Variants in STPG2 observed in about 807,000 individuals in gnomAD.
STPG2 encodes sperm-tail PG-rich repeat-containing protein 2.
In STPG2, 56 loss-of-function variants were observed where a neutral mutation model predicts 54.2. That is an observed-to-expected ratio of 1.03 (90% confidence interval 0.83 to 1.29). The LOEUF (loss-of-function observed/expected upper bound fraction) is 1.29. Ranked by LOEUF, STPG2 falls within the 50% of genes most tolerant of loss-of-function variation. The probability of loss-of-function intolerance (pLI) is 0.00; values close to 1 mark genes in which losing one functional copy is unlikely to be tolerated. For synonymous variants in STPG2, 200 were observed against 181.8 expected, an observed-to-expected ratio of 1.10 and a Z score of -0.81; for missense variants, 596 against 544.9, an observed-to-expected ratio of 1.09 and a Z score of -0.93.
chr4:98,135,202 T>C (rs4699604), intron 1 of STPG2, among the ~76,000 whole-genome samples: 59,032 of 151,340 alleles, frequency 0.39, 11,695 homozygotes, highest in Middle Eastern at 0.46. Flanking sequence ...TCAAAACTTT[T>C]GCACTAAATC....
chr4:97,893,904 A>G (rs1313227044), intron 8 of STPG2, among the ~76,000 whole-genome samples: 3 of 152,002 alleles, frequency 2.0e-5, no homozygotes, highest in African/African-American at 7.2e-5. Flanking sequence ...TAAATTTGGA[A>G]AGCAAAGATA....
At chr4:97,886,951 C>T (rs1352278370) in intron 8 of STPG2, among the ~76,000 whole-genome samples, 3 of 152,204 alleles carry the variant, frequency 2.0e-5, no homozygotes, top group Non-Finnish European at 4.4e-5. Context: ...GCTCCTGCTA[C>T]ACCACATAAG....
chr4:98,139,979 T>G (rs1356045513), intron 1 of STPG2, among the ~76,000 whole-genome samples: 1 of 152,204 alleles, frequency 6.6e-6, no homozygotes, highest in Non-Finnish European at 1.5e-5. Flanking sequence ...CAGCTCACAT[T>G]TTAGTGGGTC....
At chr4:97,563,762 T>G (rs2148876850) in intron 10 of STPG2, among the ~76,000 whole-genome samples, 1 of 152,364 alleles carries the variant, frequency 6.6e-6, no homozygotes, top group African/African-American at 2.4e-5. Context: ...AGTGAGTTTC[T>G]TAATCCTGAG....
chr4:97,468,262 A>G (rs1194374419), intron 4 of STPG2, among the ~76,000 whole-genome samples: 1 of 152,008 alleles, frequency 6.6e-6, no homozygotes, highest in Non-Finnish European at 1.5e-5. Flanking sequence ...TAATCTTTGA[A>G]AGCAATGATT....
chr4:97,736,377 C>T lies in STPG2; in HGVS notation c.1205-23563G>A, dbSNP rs141698530. 4.9e-4 allele frequency among the ~76,000 whole-genome samples: 75 copies of T among 152,282 alleles called. 1 individual carries two copies. In the East Asian group the frequency reaches 0.012, roughly 24 times the overall value. On this transcript the variant is annotated intron_variant, in intron 9 of 10. Coordinates refer to ENST00000295268, the MANE Select transcript of STPG2 (RefSeq NM_174952.3). ...TGGGCGCAGGACAGTGGGTGCAGCA[C>T]ACCGTGCGCGAGTCGAAGCAGGGCG...
intron 10 of STPG2, among the ~76,000 whole-genome samples, chr4:97,648,380 C>T (rs948655536): frequency 6.6e-6 from 1 of 152,090 alleles, no homozygotes; most frequent in African/African-American, 2.4e-5. Flanking sequence ...ATAGAAGGTG[C>T]TCAACAGATA....
chr4:97,610,054 G>C (rs986943380), intron 10 of STPG2, among the ~76,000 whole-genome samples: 2 of 151,928 alleles, frequency 1.3e-5, no homozygotes, highest in Non-Finnish European at 1.5e-5. Flanking sequence ...TAATTTTCCT[G>C]AGAAGGTTCA....
intron 4 of STPG2, among the ~76,000 whole-genome samples, chr4:97,454,051 A>T (rs1296253364): frequency 6.6e-6 from 1 of 152,210 alleles, no homozygotes; most frequent in Non-Finnish European, 1.5e-5. Context: ...GATTGTTCTT[A>T]GAAAGATTTA....
At chr4:97,705,515 G>A (rs980957900) in intron 10 of STPG2, among the ~76,000 whole-genome samples, 16 of 151,728 alleles carry the variant, frequency 1.1e-4, no homozygotes, top group African/African-American at 3.1e-4. Flanking sequence ...TAGTCGAGAC[G>A]GGGTTTCATC....
intron 10 of STPG2, among the ~76,000 whole-genome samples, chr4:97,566,144 G>C (rs1442340819): frequency 6.6e-6 from 1 of 152,156 alleles, no homozygotes; most frequent in East Asian, 1.9e-4. Flanking sequence ...GCAATGGCGG[G>C]TGCCTCTCCC....
chr4:98,010,875 C>T (rs565457766), intron 5 of STPG2, among the ~76,000 whole-genome samples: 89 of 152,146 alleles, frequency 5.8e-4, no homozygotes, highest in Admixed American at 7.9e-4. Flanking sequence ...CTAATAAGAA[C>T]ATAACTTCAA....
At chr4:97,862,243 G>A (rs1729578491) in intron 8 of STPG2, among the ~76,000 whole-genome samples, 1 of 151,698 alleles carries the variant, frequency 6.6e-6, no homozygotes, top group Non-Finnish European at 1.5e-5. Context: ...ATAAAGGGAT[G>A]GAGGAAGATC....
intron 4 of STPG2, among the ~76,000 whole-genome samples, chr4:97,537,686 G>A (rs1167406072): frequency 6.6e-6 from 1 of 152,198 alleles, no homozygotes; most frequent in African/African-American, 2.4e-5. Flanking sequence ...TGACAGCTTT[G>A]AAGAGAGTAG....
chr4:97,943,086 C>A (rs1168554134), intron 8 of STPG2, among the ~76,000 whole-genome samples: 2 of 152,112 alleles, frequency 1.3e-5, no homozygotes, highest in Admixed American at 6.6e-5. Context: ...AGAGGCCCTG[C>A]TTCCTCATAG....
chr4:97,442,298 G>A (rs1181531625), intron 4 of STPG2, among the ~76,000 whole-genome samples: 1 of 150,510 alleles, frequency 6.6e-6, no homozygotes, highest in Non-Finnish European at 1.5e-5. Flanking sequence ...TATCTAGCTT[G>A]TTCTTTCTTC....
chr4:97,688,800 A>C (rs1464302977), intron 10 of STPG2, among the ~76,000 whole-genome samples: 4 of 152,188 alleles, frequency 2.6e-5, no homozygotes, highest in Admixed American at 2.6e-4. Flanking sequence ...TTACAGGATA[A>C]ACTGACAGCA....
chr4:97,805,287 A>G (rs1727520848), intron 9 of STPG2, among the ~76,000 whole-genome samples: 1 of 151,716 alleles, frequency 6.6e-6, no homozygotes, highest in Non-Finnish European at 1.5e-5. Flanking sequence ...CCTCACTGCA[A>G]CCTCCCTGCC....
chr4:97,579,582 CA>C (rs1191076920), intron 10 of STPG2, among the ~76,000 whole-genome samples: 1 of 152,002 alleles, frequency 6.6e-6, no homozygotes. Flanking sequence ...GGTGAAACTT[CA>C]AAACTCTGGC....
Sources: gnomAD v4.1 joint callset for allele counts (sites outside exome capture counted in the v4.1 genomes callset) on GRCh38, gnomAD v4.1.1 for gene constraint, MANE v1.5 for transcripts, NCBI Gene and HGNC (gene_info 2026-07-23, HGNC 2026-07-21) for gene names.